PLD5: variants seen among roughly 807,000 people sequenced by gnomAD.
The protein encoded by PLD5 is phospholipase D family member 5.
PLD5 carries 36 observed loss-of-function variants against 61.1 expected under a neutral mutation model. The ratio of observed to expected loss-of-function variants is 0.59; its 90% CI spans 0.45 to 0.78. PLD5 has a LOEUF of 0.78. Ranked by LOEUF, PLD5 falls within the 30% of genes least tolerant of loss-of-function variation. The pLI, the probability that PLD5 is intolerant of heterozygous loss-of-function variation, is 0.00. For missense variants in PLD5, 515 were observed against 644.4 expected, an observed-to-expected ratio of 0.80 and a Z score of 2.17; for synonymous variants, 243 against 242.8, an observed-to-expected ratio of 1.00 and a Z score of -0.01.
At chr1:242,383,237 ACAAT>A (rs1662402379) in intron 1 of PLD5, among the ~76,000 whole-genome samples, 1 of 152,114 alleles carries the variant, frequency 6.6e-6, no homozygotes, top group Non-Finnish European at 1.5e-5. Flanking sequence ...TTTAACTGAC[ACAAT>A]CAATGTACAT....
chr1:242,181,662 T>G lies in PLD5; in HGVS notation c.735+38326A>C, dbSNP rs189933179. On this transcript the variant is annotated intron_variant, in intron 5 of 9. Coordinates refer to ENST00000536534, the MANE Select transcript of PLD5 (RefSeq NM_001372062.1). ...GTAAAAATGTCTCTTCAATGGTTTTTTTTTGTTTTGTTTTGTTTTGAGACA... is the reference window on the plus strand; with the variant it reads ...GTAAAAATGTCTCTTCAATGGTTTTGTTTTGTTTTGTTTTGTTTTGAGACA... 3.8e-3 allele frequency among the ~76,000 whole-genome samples: 581 copies of G among 151,852 alleles called. 4 individuals carry two copies. The highest frequency in any genetic ancestry group is 0.021 in the South Asian group (102 of 4,792).
At chr1:242,110,082 T>C (rs181057333) in intron 7 of PLD5, among the ~76,000 whole-genome samples, 1 of 140,996 alleles carries the variant, frequency 7.1e-6, no homozygotes, top group South Asian at 2.2e-4. Flanking sequence ...TTATATATTA[T>C]TATTATTATA....
intron 1 of PLD5, among the ~76,000 whole-genome samples, chr1:242,405,141 A>G (rs1664162221): frequency 6.6e-6 from 1 of 152,044 alleles, no homozygotes; most frequent in South Asian, 2.1e-4. Context: ...TTGGCCTCCC[A>G]AAGTGAATGA....
Position 242,256,568 on chromosome 1 carries a change from T to TG in PLD5, c.607+8768dup, listed in dbSNP as rs1384453302. On this transcript the variant is annotated intron_variant, in intron 4 of 9. Transcript: ENST00000536534. This position sits in a 1 kb window ranked among gnomAD's most constrained non-coding sequence, Gnocchi z 5.7. ...GTGAGGACACAGCGTTTGTTCCCTC[T>TG]GGGGGATGCAGTAACAAGGCGCCAT... Among the ~76,000 whole-genome samples the TG allele has an allele frequency of 2.0e-5, 3 of 152,160 alleles. No individual in the cohort carries two copies. Among genetic ancestry groups the TG allele is most frequent in the African/African-American group, 7.2e-5 (3 of 41,426 alleles).
intron 7 of PLD5, among the ~76,000 whole-genome samples, chr1:242,112,339 G>GTGTGTATGTATATATATATATATATA (rs1370325825): frequency 1.4e-5 from 2 of 143,304 alleles, no homozygotes; most frequent in Non-Finnish European, 3.1e-5. Flanking sequence ...ATGTATATGT[G>GTGTGTATGTATATATATATATATATA]TATATATATA....
At chr1:242,491,392 C>T (rs949954032) in intron 1 of PLD5, among the ~76,000 whole-genome samples, 122 of 152,180 alleles carry the variant, frequency 8.0e-4, no homozygotes, top group Middle Eastern at 6.8e-3. Flanking sequence ...TGTGCATGTG[C>T]GCACACACAC....
chr1:242,323,641 A>G (rs1324518006), intron 2 of PLD5, among the ~76,000 whole-genome samples: 1 of 152,240 alleles, frequency 6.6e-6, no homozygotes, highest in East Asian at 1.9e-4. Flanking sequence ...CCCGAGCTGC[A>G]TAGGAACTGC....
chr1:242,472,963 C>A (rs1333350383), intron 1 of PLD5, among the ~76,000 whole-genome samples: 1 of 151,854 alleles, frequency 6.6e-6, no homozygotes, highest in African/African-American at 2.4e-5. Flanking sequence ...ATTTTATTTT[C>A]TTAATCTCCA....
intron 4 of PLD5, among the ~76,000 whole-genome samples, chr1:242,249,691 A>G (rs1290229470): frequency 6.6e-6 from 1 of 152,234 alleles, no homozygotes; most frequent in Non-Finnish European, 1.5e-5. Flanking sequence ...TCCATACTCC[A>G]TCATCTAACT....
At chr1:242,277,301 C>T (rs187188887) in intron 3 of PLD5, among the ~76,000 whole-genome samples, 4 of 152,194 alleles carry the variant, frequency 2.6e-5, no homozygotes, top group East Asian at 1.9e-4. Flanking sequence ...GAGGACCCCA[C>T]GCAGAATGGA....
intron 1 of PLD5, among the ~76,000 whole-genome samples, chr1:242,383,799 C>T (rs939840099): frequency 8.5e-5 from 13 of 152,184 alleles, no homozygotes; most frequent in African/African-American, 3.1e-4. Flanking sequence ...GCCTTTCAAA[C>T]ACAGCTCTGG....
chr1:242,384,636 A>T (rs1424819604), intron 1 of PLD5, among the ~76,000 whole-genome samples: 1 of 152,230 alleles, frequency 6.6e-6, no homozygotes, highest in Non-Finnish European at 1.5e-5. Flanking sequence ...CCTTGGATAC[A>T]AACAATCTAC....
intron 2 of PLD5, among the ~76,000 whole-genome samples, chr1:242,347,382 A>G (rs1354106620): frequency 6.6e-6 from 1 of 152,114 alleles, no homozygotes; most frequent in Non-Finnish European, 1.5e-5. Flanking sequence ...TTGCAGCAAT[A>G]CATATATAAA....
chr1:242,400,888 T>A (rs1663894313), intron 1 of PLD5, among the ~76,000 whole-genome samples: 2 of 151,866 alleles, frequency 1.3e-5, no homozygotes, highest in African/African-American at 4.8e-5. Flanking sequence ...AGCCACAGAG[T>A]ACAAATAGAA....
intron 1 of PLD5, among the ~76,000 whole-genome samples, chr1:242,352,380 A>G (rs1312016993): frequency 6.6e-6 from 1 of 152,116 alleles, no homozygotes; most frequent in Non-Finnish European, 1.5e-5. Context: ...CAAATTACAA[A>G]CTTTCTTTTT....
intron 1 of PLD5, among the ~76,000 whole-genome samples, chr1:242,417,323 A>G (rs1011782501): frequency 6.6e-6 from 1 of 152,198 alleles, no homozygotes; most frequent in Non-Finnish European, 1.5e-5. Flanking sequence ...GGGTGGAAGC[A>G]TCTTTCCATA....
chr1:242,334,812 C>A (rs1229111683), intron 2 of PLD5, among the ~76,000 whole-genome samples: 1 of 152,270 alleles, frequency 6.6e-6, no homozygotes, highest in South Asian at 2.1e-4. Context: ...ATGAACAGTA[C>A]AGAAAGTTGG....
In PLD5 at chr1:242,116,832, C is replaced by G. The variant is rs567742161; in HGVS notation, c.934-2806G>C. 2.0e-5 allele frequency among the ~76,000 whole-genome samples: 3 copies of G among 151,946 alleles called. No homozygotes were observed. In the East Asian group the frequency reaches 5.8e-4, roughly 29 times the overall value. On this transcript the variant is annotated intron_variant, in intron 6 of 9. Coordinates refer to ENST00000536534, the MANE Select transcript of PLD5 (RefSeq NM_001372062.1). ...TGAGTTTTTGATCATTTATTTTTTT[C>G]TTTTGGAATGAGGATGAACTTCAAG...
chr1:242,091,035 G>A (rs978342400), intron 9 of PLD5, among the ~76,000 whole-genome samples: 1 of 151,904 alleles, frequency 6.6e-6, no homozygotes, highest in Non-Finnish European at 1.5e-5. Context: ...TTACAGGCAC[G>A]AGCCACTGTG....
Sources: allele counts gnomAD v4.1 joint callset (sites outside exome capture counted in the v4.1 genomes callset), GRCh38; gene constraint gnomAD v4.1.1; non-coding constraint Gnocchi (gnomAD v3.1); transcripts MANE v1.5; gene names NCBI Gene and HGNC (gene_info 2026-07-23, HGNC 2026-07-21).